PCDHA1: variants seen among roughly 807,000 people sequenced by gnomAD.
PCDHA1 encodes protocadherin alpha 1, also known as protocadherin alpha-1.
PCDHA1 carries 42 observed loss-of-function variants against 61.3 expected under a neutral mutation model. That is an observed-to-expected ratio of 0.69 (90% CI 0.54 to 0.89). The LOEUF is 0.89. PCDHA1 is among the 40% of genes least tolerant of loss of function. PCDHA1 has a pLI of 0.00. For missense variants in PCDHA1, 1,256 were observed against 1,235.3 expected (o/e 1.02, Z -0.25); for synonymous variants, 610 against 553.8 (o/e 1.10, Z -1.43).
chr5:140,989,242 C>T (rs562894633), intron 3 of PCDHA1, among the ~76,000 whole-genome samples: 5 of 152,226 alleles, frequency 3.3e-5, no homozygotes, highest in African/African-American at 1.2e-4. Flanking sequence ...GTTTTAAGCC[C>T]CTTGTCAAAA....
At chr5:140,886,638 C>T (rs1282922977) in intron 1 of PCDHA1, among the ~76,000 whole-genome samples, 4 of 151,738 alleles carry the variant, frequency 2.6e-5, no homozygotes, top group South Asian at 2.1e-4. Flanking sequence ...CCAGCCTGGC[C>T]AACATGGTGA....
intron 1 of PCDHA1, chr5:140,871,249 C>A (rs782675743): frequency 8.1e-6 from 13 of 1,613,984 alleles, no homozygotes; most frequent in South Asian, 1.1e-5. Flanking sequence ...CACGCTGCTG[C>A]TGTATACGGC....
Position 140,884,220 on chromosome 5 carries a change from T to G in PCDHA1, c.2395-94729T>G, listed in dbSNP as rs1469726535. 4 of 1,613,408 alleles carry G rather than the reference T, an allele frequency of 2.5e-6. No homozygotes were observed. The highest frequency in any genetic ancestry group is 3.4e-6 in the Non-Finnish European group (4 of 1,179,728). On this transcript the variant is annotated intron_variant, in intron 1 of 3. Transcript: ENST00000504120. ...CCGCACCACCGCCTTCTGGTGCTGG[T>G]GAAGGACCACGGTGAGCCCGCGCTG...
chr5:140,828,266 C>T, intron 1 of PCDHA1: 1 of 1,614,048 alleles, frequency 6.2e-7, no homozygotes, highest in Non-Finnish European at 8.5e-7. Context: ...GCTGGCGGAG[C>T]TGGTGCCGCG....
chr5:140,857,754 C>G, intron 1 of PCDHA1: 1 of 1,597,392 alleles, frequency 6.3e-7, no homozygotes, highest in Non-Finnish European at 8.6e-7. Flanking sequence ...GCGTCTCCCG[C>G]TGGCAGCGCG....
At chr5:140,993,459 TTCTCAC>T (rs2097559303) in intron 3 of PCDHA1, among the ~76,000 whole-genome samples, 1 of 83,038 alleles carries the variant, frequency 1.2e-5, no homozygotes, top group African/African-American at 4.6e-5. Context: ...CCTTCTTTCT[TTCTCAC>T]ACACACACAC....
intron 1 of PCDHA1, chr5:140,851,593 C>A (rs1200692770): frequency 1.1e-6 from 1 of 916,458 alleles, no homozygotes; most frequent in Non-Finnish European, 1.3e-6. Context: ...TTTTGAAATT[C>A]AGTTTACAGA....
intron 1 of PCDHA1, chr5:140,801,741 G>C: frequency 5.6e-6 from 9 of 1,613,948 alleles, no homozygotes; most frequent in Non-Finnish European, 7.6e-6. Flanking sequence ...TACCTTGGAC[G>C]TTAAAAGAAA....
chr5:140,969,483 G>T (rs531496681), intron 1 of PCDHA1: 15 of 1,462,254 alleles, frequency 1.0e-5, no homozygotes, highest in Non-Finnish European at 1.3e-5. Context: ...ATCATAATCT[G>T]CTATTTCCTC....
intron 3 of PCDHA1, among the ~76,000 whole-genome samples, chr5:140,984,356 A>G (rs556586072): frequency 1.3e-5 from 2 of 152,362 alleles, no homozygotes; most frequent in African/African-American, 4.8e-5. Flanking sequence ...GATATTTCAT[A>G]CATCTGGCCA....
rs142842369 is a variant in PCDHA1, at chr5:140,884,425, T to G, written c.2395-94524T>G. ...TGGTGCTCACGTTGCTGCTGTATAC[T>G]GCGCTGCGGTGCTCGGCACCGCCCA... On this transcript the variant is annotated intron_variant, in intron 1 of 3. Coordinates refer to ENST00000504120, the MANE Select transcript of PCDHA1 (RefSeq NM_018900.4). 1.3e-3 allele frequency: 2,026 copies of G among 1,613,950 alleles called. 4 individuals carry two copies. Among genetic ancestry groups the G allele is most frequent in the Admixed American group, 3.6e-3 (219 of 60,032 alleles).
rs139533789 is a variant in PCDHA1, at chr5:140,857,716, C to G, written c.2394+69032C>G. ...TGACGCTGCAGGTGTTCGTGCTGGA[C>G]GAGAACGACAACGCTCCCGCGCTGC... On this transcript the variant is annotated intron_variant, in intron 1 of 3. Transcript: ENST00000504120. The G allele has an allele frequency of 3.1e-6, 5 of 1,597,272 alleles. No individual in the cohort carries two copies. Among genetic ancestry groups the G allele is most frequent in the East Asian group, 2.2e-5 (1 of 44,832 alleles).
chr5:140,980,714 G>A (rs958793243), intron 2 of PCDHA1, among the ~76,000 whole-genome samples: 7 of 151,264 alleles, frequency 4.6e-5, no homozygotes, highest in African/African-American at 9.7e-5. Context: ...GCTCCTATTC[G>A]GGTTTCAATT....
At chr5:140,805,258 G>T in intron 1 of PCDHA1, 1 of 1,286,408 alleles carries the variant, frequency 7.8e-7, no homozygotes, top group South Asian at 2.6e-5. Context: ...TAAAATACCT[G>T]GTAAATGAAA....
chr5:140,918,321 T>C (rs1175303192), intron 1 of PCDHA1, among the ~76,000 whole-genome samples: 2 of 152,054 alleles, frequency 1.3e-5, no homozygotes, highest in Non-Finnish European at 2.9e-5. Flanking sequence ...GGTATAAAAT[T>C]ATATTGTCTG....
intron 3 of PCDHA1, among the ~76,000 whole-genome samples, chr5:141,006,214 TTA>T (rs2098261511): frequency 6.6e-6 from 1 of 152,046 alleles, no homozygotes; most frequent in South Asian, 2.1e-4. Flanking sequence ...TCATTTTTTT[TTA>T]AATTTTTTAT....
intron 1 of PCDHA1, among the ~76,000 whole-genome samples, chr5:140,833,457 A>AAGAAATTTAT (rs1374250716): frequency 2.0e-5 from 3 of 152,216 alleles, no homozygotes; most frequent in Non-Finnish European, 4.4e-5. Context: ...AATAAAATAA[A>AAGAAATTTAT]CTTACATTTT....
At chr5:140,884,179 G>A in intron 1 of PCDHA1, 3 of 1,613,460 alleles carry the variant, frequency 1.9e-6, no homozygotes, top group Non-Finnish European at 1.7e-6. Context: ...CGCGCCCTCT[G>A]GACGAGGTGG....
chr5:140,926,726 C>T, intron 1 of PCDHA1: 1 of 1,046,502 alleles, frequency 9.6e-7, no homozygotes, highest in Non-Finnish European at 1.3e-6. Flanking sequence ...GCAATGCCGG[C>T]GTTCGGGAGG....
Sources: gnomAD v4.1 joint callset for allele counts (sites outside exome capture counted in the v4.1 genomes callset) on GRCh38, gnomAD v4.1.1 for gene constraint, MANE v1.5 for transcripts, NCBI Gene and HGNC (gene_info 2026-07-23, HGNC 2026-07-21) for gene names.